The following EPHA6 variants were observed in gnomAD, a reference collection of about 807,000 sequenced individuals.
EPHA6 encodes the protein EPH receptor A6.
EPHA6 carries 50 observed loss-of-function variants against 112.0 expected under a neutral mutation model. That is an observed-to-expected ratio of 0.45 (90% CI 0.36 to 0.56). The LOEUF is 0.56. Ranked by LOEUF, EPHA6 falls within the 20% of genes least tolerant of loss-of-function variation. EPHA6 has a pLI of 0.00. For synonymous variants in EPHA6, 529 were observed against 490.7 expected (o/e 1.08, Z -1.03); for missense variants, 1,280 against 1,417.4 (o/e 0.90, Z 1.56).
At chr3:97,365,678 G>T (rs373314599) in intron 5 of EPHA6, among the ~76,000 whole-genome samples, 3 of 152,128 alleles carry the variant, frequency 2.0e-5, no homozygotes, top group Non-Finnish European at 4.4e-5. Flanking sequence ...GTCAGCCACC[G>T]TGCCCAGCCA....
intron 3 of EPHA6, among the ~76,000 whole-genome samples, chr3:97,151,931 TAATA>T (rs2076181589): frequency 6.6e-6 from 1 of 152,024 alleles, no homozygotes; most frequent in African/African-American, 2.4e-5. Flanking sequence ...GCGTTTTTAT[TAATA>T]AATGGAATTT....
chr3:97,662,247 A>G (rs1251739398), intron 14 of EPHA6, among the ~76,000 whole-genome samples: 1 of 152,212 alleles, frequency 6.6e-6, no homozygotes, highest in African/African-American at 2.4e-5. Context: ...CCTGATTCCC[A>G]CTTTTAAAAT....
At chr3:96,922,415 T>C (rs1161621176) in intron 2 of EPHA6, among the ~76,000 whole-genome samples, 3 of 152,204 alleles carry the variant, frequency 2.0e-5, no homozygotes, top group African/African-American at 7.2e-5. Context: ...ATGTGGGATG[T>C]AGACCTTGAC....
intron 3 of EPHA6, among the ~76,000 whole-genome samples, chr3:97,086,204 T>C (rs1279970596): frequency 2.0e-5 from 3 of 151,974 alleles, no homozygotes; most frequent in African/African-American, 7.3e-5. Context: ...GTTTGACCTT[T>C]TCTGCAAATT....
At chr3:97,430,282 A>G (rs1173444470) in intron 6 of EPHA6, among the ~76,000 whole-genome samples, 1 of 152,158 alleles carries the variant, frequency 6.6e-6, no homozygotes, top group Non-Finnish European at 1.5e-5. Context: ...GATTTAATGA[A>G]TATGGCAACT....
chr3:96,989,334 G>A (rs914053396), intron 3 of EPHA6, among the ~76,000 whole-genome samples: 9 of 151,962 alleles, frequency 5.9e-5, no homozygotes, highest in Admixed American at 1.3e-4. Flanking sequence ...ATGAGAAGTC[G>A]GTAGTATATA....
intron 5 of EPHA6, among the ~76,000 whole-genome samples, chr3:97,282,429 A>C (rs2080317557): frequency 6.6e-6 from 1 of 152,166 alleles, no homozygotes; most frequent in Admixed American, 6.6e-5. Context: ...ACAATGCGGC[A>C]ATTCCTCAAA....
chr3:97,034,453 G>C (rs1169103959), intron 3 of EPHA6, among the ~76,000 whole-genome samples: 1 of 151,774 alleles, frequency 6.6e-6, no homozygotes, highest in Non-Finnish European at 1.5e-5. Flanking sequence ...TTCTTTTACT[G>C]TCCATGAAAA....
chr3:97,421,418 A>C (rs896875612), intron 6 of EPHA6, among the ~76,000 whole-genome samples: 1 of 152,182 alleles, frequency 6.6e-6, no homozygotes, highest in African/African-American at 2.4e-5. Flanking sequence ...TAATCTGTAA[A>C]GCATTTGAGA....
intron 11 of EPHA6, among the ~76,000 whole-genome samples, chr3:97,591,418 G>A (rs772601252): frequency 1.3e-5 from 2 of 152,120 alleles, no homozygotes; most frequent in South Asian, 2.1e-4. Flanking sequence ...AGGTCTCTTC[G>A]CAAACACAGA....
chr3:97,595,900 C>CT (rs2093584813), intron 12 of EPHA6, among the ~76,000 whole-genome samples: 1 of 142,672 alleles, frequency 7.0e-6, no homozygotes, highest in African/African-American at 2.6e-5. Context: ...CAGACATATT[C>CT]TCTTTTTTTT....
rs376146566 is a variant in EPHA6, at chr3:97,694,349, G to T, written c.2785-25912G>T. Among the ~76,000 whole-genome samples, 14 of 151,788 alleles carry T rather than the reference G, an allele frequency of 9.2e-5. No homozygotes were observed. The South Asian group carries it at 2.7e-3, about 29-fold the overall frequency. On this transcript the variant is annotated intron_variant, in intron 14 of 17. Transcript: ENST00000389672. Reference sequence around the variant, plus strand: ...CCTCCCAGGTTCCAGCAATTCTCCTGCCTCAGCCTCCCGAGTAGCTGAGAT... The same window carrying T: ...CCTCCCAGGTTCCAGCAATTCTCCTTCCTCAGCCTCCCGAGTAGCTGAGAT...
At chr3:97,690,664 C>T (rs537356975) in intron 14 of EPHA6, among the ~76,000 whole-genome samples, 7 of 152,164 alleles carry the variant, frequency 4.6e-5, no homozygotes, top group South Asian at 4.2e-4. Context: ...GACGAGGTTT[C>T]GCCATGTTGA....
chr3:97,706,600 C>T (rs570193519), intron 14 of EPHA6, among the ~76,000 whole-genome samples: 11 of 152,148 alleles, frequency 7.2e-5, no homozygotes, highest in Non-Finnish European at 1.0e-4. Flanking sequence ...GGACATGAGA[C>T]GCTGTGTCGC....
chr3:96,872,669 T>G (rs1487482711), intron 2 of EPHA6, among the ~76,000 whole-genome samples: 4 of 152,244 alleles, frequency 2.6e-5, no homozygotes, highest in Non-Finnish European at 5.9e-5. Context: ...TGTTATTGCT[T>G]GCATGGTTTC....
chr3:97,590,056 T>C lies in EPHA6; in HGVS notation c.2387-2556T>C, dbSNP rs576823284. 3.9e-5 allele frequency among the ~76,000 whole-genome samples: 6 copies of C among 152,330 alleles called. No homozygotes were observed. In the South Asian group the frequency reaches 1.2e-3, roughly 32 times the overall value. The stretch of plus-strand genomic sequence containing the variant: ...TATAACAAAGAATTGCTGTTTCTCC[T>C]GAATAAATTGTGAAAGCTTACTTTA... On this transcript the variant is annotated intron_variant, in intron 11 of 17. Transcript: ENST00000389672.
At chr3:96,967,595 A>G (rs1484886519) in intron 2 of EPHA6, among the ~76,000 whole-genome samples, 1 of 151,838 alleles carries the variant, frequency 6.6e-6, no homozygotes, top group African/African-American at 2.4e-5. Flanking sequence ...TCGTGTACCA[A>G]TATCTTTTTC....
chr3:97,227,615 G>T (rs568734244), intron 4 of EPHA6, among the ~76,000 whole-genome samples: 1 of 152,312 alleles, frequency 6.6e-6, no homozygotes, highest in South Asian at 2.1e-4. Flanking sequence ...TTTGAGGGTG[G>T]TAAGAATGAC....
Position 97,753,204 on chromosome 3 carries a change from A to G in EPHA6, c.*4503A>G, listed in dbSNP as rs2107925653. ...CTATGGAATATCTCCTATATGCACA[A>G]AATTTTACTACAAAGATACGTTTGG... On this transcript the variant is annotated 3_prime_UTR_variant, in exon 18 of 18. Transcript: ENST00000389672. 6.6e-6 allele frequency among the ~76,000 whole-genome samples: 1 copy of G among 152,268 alleles called. No individual in the cohort carries two copies. The highest frequency in any genetic ancestry group is 2.1e-4 in the South Asian group (1 of 4,828).
Sources: gnomAD v4.1 joint callset for allele counts (sites outside exome capture counted in the v4.1 genomes callset) on GRCh38, gnomAD v4.1.1 for gene constraint, MANE v1.5 for transcripts, NCBI Gene and HGNC (gene_info 2026-07-23, HGNC 2026-07-21) for gene names.